Variants in ZNF800 observed in about 807,000 individuals in gnomAD.
ZNF800 encodes zinc finger protein 800.
A neutral mutation model predicts 59.5 loss-of-function variants in ZNF800; 13 were observed. The observed-to-expected ratio is 0.22, with a 90% confidence interval of 0.14 to 0.35. The LOEUF is 0.35. ZNF800 is among the 10% of genes least tolerant of loss of function. The probability of loss-of-function intolerance (pLI) is 1.00; values close to 1 mark genes in which losing one functional copy is unlikely to be tolerated. For synonymous variants in ZNF800, 266 were observed against 265.7 expected, an observed-to-expected ratio of 1.00 and a Z score of -0.01; for missense variants, 621 against 783.7, an observed-to-expected ratio of 0.79 and a Z score of 2.48.
At chr7:127,384,995 G>A (rs895087375) in intron 3 of ZNF800, among the ~76,000 whole-genome samples, 2 of 152,156 alleles carry the variant, frequency 1.3e-5, no homozygotes, top group Non-Finnish European at 2.9e-5. Context: ...TACTACAGAT[G>A]AAAAGTCTAA....
chr7:127,373,102 A>T, intron 5 of ZNF800: 2 of 985,440 alleles, frequency 2.0e-6, no homozygotes, highest in Non-Finnish European at 2.4e-6. Flanking sequence ...ATCTACCTAC[A>T]ACTACATTGC....
rs751925898 is a variant in ZNF800, at chr7:127,374,265, A to T, written c.1071T>A (p.Thr357=). The change falls in exon 5 of 6, where the codon ACT becomes ACA. Residue 357 remains threonine, a synonymous_variant. Coordinates refer to ENST00000265827, the MANE Select transcript of ZNF800 (RefSeq NM_176814.5). ...TCTTGCAAAGGAGGCATTTGCATGC[A>T]GTTAAATTGTATTCAGCCTTTGAAG... ...KSSSKAEYNL[T]ACKCLLCKRK... 1.9e-6 allele frequency: 3 copies of T among 1,613,822 alleles called. No individual in the cohort carries two copies. Among genetic ancestry groups the T allele is most frequent in the East Asian group, 4.5e-5 (2 of 44,872 alleles).
At chr7:127,387,299 A>G (rs1389556337) in intron 2 of ZNF800, among the ~76,000 whole-genome samples, 13 of 152,304 alleles carry the variant, frequency 8.5e-5, no homozygotes, top group Admixed American at 8.5e-4. Context: ...GTTCTACTCA[A>G]CTATGACCAT....
intron 1 of ZNF800, among the ~76,000 whole-genome samples, chr7:127,357,182 C>T (rs1375123727): frequency 3.9e-5 from 6 of 152,008 alleles, no homozygotes; most frequent in Admixed American, 1.3e-4. Context: ...ATTTCCACTT[C>T]ATACTAGTGT....
chr7:127,376,336 AAAGT>A (rs1414751262), intron 4 of ZNF800, among the ~76,000 whole-genome samples: 5 of 152,094 alleles, frequency 3.3e-5, no homozygotes, highest in East Asian at 1.9e-4. Flanking sequence ...TCAGACTGAC[AAAGT>A]AAGTTCTATA....
At chr7:127,355,379 AC>A (rs1416514253) in intron 1 of ZNF800, among the ~76,000 whole-genome samples, 2 of 152,054 alleles carry the variant, frequency 1.3e-5, no homozygotes, top group Non-Finnish European at 2.9e-5. Flanking sequence ...GCAGGGTAAA[AC>A]TGCTAGCCTT....
At chr7:127,365,464 C>A (rs1319939706), downstream of ZNF800, among the ~76,000 whole-genome samples, 1 of 152,106 alleles carries the variant, frequency 6.6e-6, no homozygotes, top group Non-Finnish European at 1.5e-5. Context: ...GCTAGGTACA[C>A]TATGAGGCAT....
intron 1 of ZNF800, among the ~76,000 whole-genome samples, chr7:127,352,423 T>C (rs1325581484): frequency 6.6e-6 from 1 of 152,210 alleles, no homozygotes; most frequent in Non-Finnish European, 1.5e-5. Context: ...AAGCTGGCCA[T>C]GCATCTGCAG....
At chr7:127,353,928 T>C (rs959143769) in intron 1 of ZNF800, among the ~76,000 whole-genome samples, 16 of 152,130 alleles carry the variant, frequency 1.1e-4, no homozygotes, top group African/African-American at 2.4e-4. Flanking sequence ...TAAAAATATA[T>C]AGTTACAAGC....
downstream of ZNF800, among the ~76,000 whole-genome samples, chr7:127,369,865 A>G (rs17865379): frequency 6.6e-6 from 1 of 152,040 alleles, no homozygotes; most frequent in African/African-American, 2.4e-5. Context: ...TCTTCTCTAT[A>G]GTATTTAACA....
At chr7:127,348,787 T>C (rs535798143) in intron 1 of ZNF800, among the ~76,000 whole-genome samples, 1 of 152,338 alleles carries the variant, frequency 6.6e-6, no homozygotes, top group African/African-American at 2.4e-5. Flanking sequence ...GTAAAAAATA[T>C]AATACAAGGA....
chr7:127,373,602 C>A lies in ZNF800; in HGVS notation c.1734G>T (p.Ser578=), dbSNP rs527854334. 139 of 1,614,142 alleles carry A rather than the reference C, an allele frequency of 8.6e-5. 1 individual carries two copies. The South Asian group carries it at 1.4e-3, about 17-fold the overall frequency. ...VLNKVAKRGP[S]RDEAKHSDSK... is the part of the protein sequence containing the mutation. ...AATCACTATGTTTTGCTTCATCCCT[C>A]GAAGGGCCTCTTTTTGCCACTTTAT... Residue 578 remains serine (S), a synonymous_variant, in exon 5 of 6, where the codon TCG becomes TCT. Transcript: ENST00000265827.
In ZNF800 at chr7:127,374,901, T is replaced by A. The variant is rs147093136; in HGVS notation, c.435A>T (p.Gln145His). 2 of 1,613,968 alleles carry A rather than the reference T, an allele frequency of 1.2e-6. No homozygotes were observed. The highest frequency in any genetic ancestry group is 3.3e-5 in the Admixed American group (2 of 60,004). ...PIETNQNAVF[Q>H]YISRTDNPIE... ...TAGGATTATCAGTCCTCGAAATATA[T>A]TGAAATACTGCATTTTGATTAGTTT... The change falls in exon 5 of 6, where the codon CAA (glutamine) becomes CAT (histidine). Residue 145 changes from glutamine (Q) to histidine (H), a missense_variant. Gln to His is a conservative substitution (Grantham distance 24). Transcript: ENST00000265827.
chr7:127,357,827 T>C (rs557011683), intron 1 of ZNF800, among the ~76,000 whole-genome samples: 2 of 151,954 alleles, frequency 1.3e-5, no homozygotes, highest in East Asian at 3.9e-4. Flanking sequence ...TTACATATTT[T>C]ATATGGGGGT....
At chr7:127,350,221 G>C (rs1442414244) in intron 1 of ZNF800, 1 of 152,208 alleles carries the variant, frequency 6.6e-6, no homozygotes, top group African/African-American at 2.4e-5. Context: ...CCAGAAACAT[G>C]CGCAGAAGTG....
At chr7:127,372,810 T>C in intron 5 of ZNF800, 2 of 985,424 alleles carry the variant, frequency 2.0e-6, no homozygotes, top group Non-Finnish European at 2.4e-6. Context: ...TTTAATTCAA[T>C]TCGGGGATTT....
At chr7:127,386,289 C>CAT in intron 2 of ZNF800, 134 bp from the exon 3 acceptor site, 2 of 483,202 alleles carry the variant, frequency 4.1e-6, no homozygotes, top group East Asian at 3.3e-5. Context: ...CACACACACG[C>CAT]ATATATAATA....
intron 2 of ZNF800, 56 bp downstream of exon 2, chr7:127,391,441 G>A: frequency 3.2e-6 from 5 of 1,547,818 alleles, no homozygotes; most frequent in Non-Finnish European, 4.5e-6. Context: ...GAAAAAAAGA[G>A]AAGGCAGAGT....
At chr7:127,381,452 G>A (rs1587449009) in intron 3 of ZNF800, among the ~76,000 whole-genome samples, 3 of 137,570 alleles carry the variant, frequency 2.2e-5, no homozygotes, top group Admixed American at 1.5e-4. Context: ...ATATATATAT[G>A]TTAATTATAG....
Sources: allele counts gnomAD v4.1 joint callset (sites outside exome capture counted in the v4.1 genomes callset), GRCh38; gene constraint gnomAD v4.1.1; transcripts MANE v1.5; gene names NCBI Gene and HGNC (gene_info 2026-07-23, HGNC 2026-07-21).